Variants in TRPM3 observed in about 807,000 individuals in gnomAD.
TRPM3 encodes transient receptor potential cation channel subfamily M member 3.
TRPM3 carries 77 observed loss-of-function variants against 181.2 expected under a neutral mutation model. The observed-to-expected ratio is 0.42, with a 90% CI of 0.35 to 0.51. The LOEUF (loss-of-function observed/expected upper bound fraction) is 0.51. TRPM3 is among the 20% of genes least tolerant of loss of function. The probability of loss-of-function intolerance (pLI) is 0.01; values close to 1 mark genes in which losing one functional copy is unlikely to be tolerated. For missense variants in TRPM3, 1,759 were observed against 2,196.7 expected, an observed-to-expected ratio of 0.80 and a Z score of 3.98; for synonymous variants, 745 against 796.4, an observed-to-expected ratio of 0.94 and a Z score of 1.09.
intron 1 of TRPM3, among the ~76,000 whole-genome samples, chr9:71,255,260 T>C (rs1279588491): frequency 1.3e-5 from 2 of 152,236 alleles, no homozygotes; most frequent in Non-Finnish European, 2.9e-5. Flanking sequence ...ATTTTTGTAA[T>C]GCTCATTTTA....
intron 5 of TRPM3, among the ~76,000 whole-genome samples, chr9:70,829,576 G>A (rs2093765374): frequency 6.6e-6 from 1 of 152,130 alleles, no homozygotes; most frequent in African/African-American, 2.4e-5. Flanking sequence ...TTAATTTAAT[G>A]TAGTATTGCT....
intron 1 of TRPM3, among the ~76,000 whole-genome samples, chr9:71,315,005 T>A (rs1382426348): frequency 6.6e-6 from 1 of 152,186 alleles, no homozygotes; most frequent in Non-Finnish European, 1.5e-5. Context: ...TACAAGGTTC[T>A]TGGCCACACT....
chr9:71,219,512 T>G (rs2080103059), intron 1 of TRPM3, among the ~76,000 whole-genome samples: 1 of 152,176 alleles, frequency 6.6e-6, no homozygotes, highest in African/African-American at 2.4e-5. Context: ...CCAATAAAAT[T>G]GTCCTGAACT....
intron 1 of TRPM3, among the ~76,000 whole-genome samples, chr9:70,888,958 A>C (rs2096144010): frequency 6.6e-6 from 1 of 152,244 alleles, no homozygotes; most frequent in Non-Finnish European, 1.5e-5. Context: ...ACCAGTATGG[A>C]GAAGGAAGTG....
intron 12 of TRPM3, among the ~76,000 whole-genome samples, chr9:70,628,414 T>C (rs886335523): frequency 6.6e-6 from 1 of 152,238 alleles, no homozygotes; most frequent in Non-Finnish European, 1.5e-5. Context: ...ATGGCCTTTA[T>C]GGTCTGCAGT....
chr9:70,692,052 C>G (rs2068749462), intron 8 of TRPM3, among the ~76,000 whole-genome samples: 1 of 152,178 alleles, frequency 6.6e-6, no homozygotes, highest in Non-Finnish European at 1.5e-5. Flanking sequence ...GTGGGTTGGA[C>G]ACGCTTGCGG....
chr9:70,623,696 T>G (rs573435936), intron 14 of TRPM3, among the ~76,000 whole-genome samples: 1 of 152,324 alleles, frequency 6.6e-6, no homozygotes, highest in South Asian at 2.1e-4. Flanking sequence ...TGTTGAGGTC[T>G]AAAAAATGAT....
At chr9:70,840,330 G>A (rs1339318504) in intron 5 of TRPM3, among the ~76,000 whole-genome samples, 2 of 152,082 alleles carry the variant, frequency 1.3e-5, no homozygotes, top group East Asian at 1.9e-4. Context: ...TATGGAAAAA[G>A]TAAAATACAA....
chr9:70,830,175 G>A (rs191689031), intron 5 of TRPM3, among the ~76,000 whole-genome samples: 1 of 152,254 alleles, frequency 6.6e-6, no homozygotes, highest in East Asian at 1.9e-4. Flanking sequence ...TGGCTGAGAC[G>A]TAAGCCCATG....
intron 1 of TRPM3, among the ~76,000 whole-genome samples, chr9:70,932,268 G>T (rs1299043054): frequency 6.6e-6 from 1 of 152,130 alleles, no homozygotes; most frequent in Non-Finnish European, 1.5e-5. Context: ...TGGAAAGTAA[G>T]AGAGTGGGGA....
At chr9:70,829,473 A>T (rs1202404864) in intron 5 of TRPM3, among the ~76,000 whole-genome samples, 1 of 152,184 alleles carries the variant, frequency 6.6e-6, no homozygotes, top group Non-Finnish European at 1.5e-5. Context: ...TTGAGGATTG[A>T]TCTCATTTAA....
chr9:71,187,309 T>C (rs1193525405), intron 1 of TRPM3, among the ~76,000 whole-genome samples: 1 of 152,010 alleles, frequency 6.6e-6, no homozygotes, highest in Admixed American at 6.6e-5. Flanking sequence ...TCTGTTTCAA[T>C]ACATAGTTTG....
intron 1 of TRPM3, among the ~76,000 whole-genome samples, chr9:70,912,795 C>A (rs2096551574): frequency 6.6e-6 from 1 of 151,978 alleles, no homozygotes; most frequent in African/African-American, 2.4e-5. Context: ...TTTAGATTTG[C>A]CTCTCTCTTT....
At chr9:70,618,346 CTTGT>C (rs1284193849) in intron 17 of TRPM3, among the ~76,000 whole-genome samples, 1 of 152,196 alleles carries the variant, frequency 6.6e-6, no homozygotes, top group African/African-American at 2.4e-5. Flanking sequence ...TGGTCTGTGA[CTTGT>C]TTTTCTTCAT....
At chr9:71,298,407 G>A (rs569915852) in intron 1 of TRPM3, among the ~76,000 whole-genome samples, 1 of 151,668 alleles carries the variant, frequency 6.6e-6, no homozygotes, top group South Asian at 2.1e-4. Context: ...CACAGTAAAA[G>A]CTGATTAAAA....
At chr9:71,251,572 T>G (rs974537481) in intron 1 of TRPM3, among the ~76,000 whole-genome samples, 4 of 152,164 alleles carry the variant, frequency 2.6e-5, no homozygotes, top group African/African-American at 9.7e-5. Context: ...ATTTTTTTAA[T>G]TTTTAGTTTT....
chr9:70,581,417 C>T (rs370427026), intron 22 of TRPM3, among the ~76,000 whole-genome samples: 26 of 152,370 alleles, frequency 1.7e-4, no homozygotes, highest in East Asian at 5.8e-4. Context: ...GGAAGCGACT[C>T]GCTCCACTGG....
chr9:70,852,621 A>G (rs923009240), intron 3 of TRPM3, among the ~76,000 whole-genome samples: 3 of 152,206 alleles, frequency 2.0e-5, no homozygotes, highest in African/African-American at 7.2e-5. Context: ...TGACTTCTTT[A>G]TGAGACACCA....
intron 1 of TRPM3, among the ~76,000 whole-genome samples, chr9:71,067,346 T>G (rs2062060616): frequency 1.3e-5 from 2 of 152,216 alleles, no homozygotes; most frequent in Non-Finnish European, 2.9e-5. Flanking sequence ...GTTGATCTTT[T>G]AGTATATAAC....
Sources: allele counts gnomAD v4.1 joint callset (sites outside exome capture counted in the v4.1 genomes callset), GRCh38; gene constraint gnomAD v4.1.1; transcripts MANE v1.5; gene names NCBI Gene and HGNC (gene_info 2026-07-23, HGNC 2026-07-21).